CFTR: variants seen among roughly 807,000 people sequenced by gnomAD.
CFTR encodes cystic fibrosis transmembrane conductance regulator.
In CFTR, 181 loss-of-function variants were observed where a neutral mutation model predicts 171.6. The ratio of observed to expected loss-of-function variants is 1.05; its 90% CI spans 0.93 to 1.19. CFTR has a LOEUF of 1.19. CFTR is among the 50% of genes most tolerant of loss of function. CFTR has a pLI of 0.00. For synonymous variants in CFTR, 583 were observed against 608.0 expected (o/e 0.96, Z 0.60); for missense variants, 1,968 against 1,734.7 (o/e 1.13, Z -2.39).
chr7:117,514,567 A>C (rs1260738163), intron 3 of CFTR, among the ~76,000 whole-genome samples: 1 of 152,236 alleles, frequency 6.6e-6, no homozygotes. Context: ...ATTGATGGGC[A>C]TTTGGGTTGG....
In CFTR at chr7:117,625,973, T is replaced by A. The variant is rs4148720; in HGVS notation, c.3469-1549T>A. ...ATTACATGTGGAACAATCATGACTA[T>A]ATGCCTTTTACTTTCTCTATCATTA... On this transcript the variant is annotated intron_variant, in intron 21 of 26. Coordinates refer to ENST00000003084, the MANE Select transcript of CFTR (RefSeq NM_000492.4). Among the ~76,000 whole-genome samples, 5 of 152,296 alleles carry A rather than the reference T, an allele frequency of 3.3e-5. No individual in the cohort carries two copies. The East Asian group carries it at 7.7e-4, about 23-fold the overall frequency.
At chr7:117,665,389 A>C in intron 25 of CFTR, 70 bp from the exon 26 acceptor site, 1 of 888,176 alleles carries the variant, frequency 1.1e-6, no homozygotes, top group South Asian at 1.4e-5. Context: ...AACAATAGAC[A>C]TATTATCAAG....
chr7:117,554,672 A>G lies in CFTR; in HGVS notation c.1393-4792A>G, dbSNP rs149252162. ...TATTAGAGGTTAAGGAGGTGGGTGA[A>G]GAAAACCCAATAAAATAAAAGTCTG... is the stretch of plus-strand genomic sequence containing the variant. On this transcript the variant is annotated intron_variant, in intron 10 of 26. Transcript: ENST00000003084. 5.9e-3 allele frequency among the ~76,000 whole-genome samples: 891 copies of G among 152,226 alleles called. 4 individuals are homozygous for G. Among genetic ancestry groups the G allele is most frequent in the Middle Eastern group, 0.027 (8 of 294 alleles).
chr7:117,633,336 A>AT (rs373569782), intron 22 of CFTR, among the ~76,000 whole-genome samples: 95 of 151,962 alleles, frequency 6.3e-4, no homozygotes, highest in African/African-American at 2.1e-3. Flanking sequence ...TAGGAAAATG[A>AT]TTTTTTTTGC....
At position 117,548,780 on chromosome 7, in the gene CFTR, G is replaced by T. The variant is rs1334881836; in HGVS notation, c.1349G>T (p.Arg450Ile). The T allele has an allele frequency of 1.9e-6, 3 of 1,612,286 alleles. No homozygotes were observed. Among genetic ancestry groups the T allele is most frequent in the African/African-American group, 2.7e-5 (2 of 74,870 alleles). The change falls in exon 10 of 27, where the codon AGA becomes ATA. Residue 450 changes from arginine (R) to isoleucine (I), a missense_variant. By Grantham distance (97) the Arg-to-Ile change is moderately conservative. Coordinates refer to ENST00000003084, the MANE Select transcript of CFTR (RefSeq NM_000492.4). Reference protein sequence around the residue: ...VLKDINFKIERGQLLAVAGST... With the variant: ...VLKDINFKIEIGQLLAVAGST... ...AAAGATATTAATTTCAAGATAGAAA[G>T]AGGACAGTTGTTGGCGGTTGCTGGA...
Position 117,559,578 on chromosome 7 carries a change from A to G in CFTR, c.1507A>G (p.Lys503Glu). 1 of 1,612,890 alleles carries G rather than the reference A, an allele frequency of 6.2e-7. No homozygotes were observed. The highest frequency in any genetic ancestry group is 8.5e-7 in the Non-Finnish European group (1 of 1,179,034). Reference sequence around the variant, plus strand: ...TTCCTGGATTATGCCTGGCACCATTAAAGAAAATATCATCTTTGGTGTTTC... The same window carrying G: ...TTCCTGGATTATGCCTGGCACCATTGAAGAAAATATCATCTTTGGTGTTTC... ...QFSWIMPGTI[K>E]ENIIFGVSYD... Residue 503 changes from lysine to glutamate, a missense_variant, in exon 11 of 27, where the codon AAA becomes GAA. Physicochemically the swap from Lys to Glu is moderately conservative, Grantham distance 56. Transcript: ENST00000003084.
intron 1 of CFTR, among the ~76,000 whole-genome samples, chr7:117,484,673 A>T (rs899429537): frequency 3.3e-5 from 5 of 151,866 alleles, no homozygotes; most frequent in Non-Finnish European, 4.4e-5. Flanking sequence ...CTGATATATG[A>T]CAAAAATTAT....
chr7:117,595,409 C>G (rs553590434), intron 15 of CFTR, among the ~76,000 whole-genome samples: 1 of 149,628 alleles, frequency 6.7e-6, no homozygotes, highest in African/African-American at 2.4e-5. Flanking sequence ...TTAAGAGATT[C>G]GAAAGCTCAA....
At chr7:117,559,109 C>T (rs1307645363) in intron 10 of CFTR, among the ~76,000 whole-genome samples, 1 of 152,170 alleles carries the variant, frequency 6.6e-6, no homozygotes, top group African/African-American at 2.4e-5. Context: ...ATAGTTAAAG[C>T]ACATAGAACA....
chr7:117,540,481 C>A, intron 8 of CFTR, 135 bp downstream of exon 8: 1 of 761,842 alleles, frequency 1.3e-6, no homozygotes, highest in East Asian at 2.6e-5. Context: ...TAAAAGTTGC[C>A]AGCTAATACT....
chr7:117,488,708 A>G (rs999835391), intron 1 of CFTR, among the ~76,000 whole-genome samples: 27 of 152,226 alleles, frequency 1.8e-4, no homozygotes, highest in African/African-American at 6.5e-4. Flanking sequence ...AAAAGATAAT[A>G]ACTCTCCCAT....
intron 9 of CFTR, among the ~76,000 whole-genome samples, chr7:117,544,142 C>T (rs1039240516): frequency 6.6e-6 from 1 of 152,176 alleles, no homozygotes; most frequent in Non-Finnish European, 1.5e-5. Context: ...ATTCTCTCAG[C>T]TGCACTCTCA....
At chr7:117,615,120 T>A (rs1037210001) in intron 21 of CFTR, among the ~76,000 whole-genome samples, 2 of 152,238 alleles carry the variant, frequency 1.3e-5, no homozygotes, top group East Asian at 1.9e-4. Flanking sequence ...ACACTTGGTG[T>A]CTGGTAGATG....
intron 11 of CFTR, among the ~76,000 whole-genome samples, chr7:117,583,419 C>T (rs898255979): frequency 5.3e-5 from 8 of 151,922 alleles, no homozygotes; most frequent in South Asian, 2.1e-4. Flanking sequence ...TGAGAACATG[C>T]GATATTTGGT....
At position 117,537,016 on chromosome 7, in the gene CFTR, A is replaced by G. The variant is rs182216768; in HGVS notation, c.869+343A>G. On this transcript the variant is annotated intron_variant, in intron 7 of 26. Transcript: ENST00000003084. ...TTGGTAACTCACATGGAACTGGGAG[A>G]GTATACAATTCTGAACCAAATAGAT... Among the ~76,000 whole-genome samples the G allele has an allele frequency of 6.6e-5, 10 of 152,336 alleles. No homozygotes were observed. In the East Asian group the frequency reaches 7.7e-4, roughly 12 times the overall value.
chr7:117,492,568 TC>T (rs1798176567), intron 1 of CFTR, among the ~76,000 whole-genome samples: 1 of 151,984 alleles, frequency 6.6e-6, no homozygotes, highest in Non-Finnish European at 1.5e-5. Flanking sequence ...AAGAAGTTAG[TC>T]TTCTGAGGGA....
At chr7:117,568,619 T>A (rs1791640460) in intron 11 of CFTR, among the ~76,000 whole-genome samples, 1 of 152,226 alleles carries the variant, frequency 6.6e-6, no homozygotes, top group South Asian at 2.1e-4. Flanking sequence ...TAAGGTATAA[T>A]GGACAACAAT....
intron 13 of CFTR, 150 bp from the exon 14 acceptor site, chr7:117,591,784 C>T: frequency 1.9e-6 from 1 of 516,678 alleles, no homozygotes; most frequent in Non-Finnish European, 3.3e-6. Context: ...AATTTAATTA[C>T]TACAGAGTAC....
At chr7:117,654,545 T>G (rs1462478686) in intron 24 of CFTR, among the ~76,000 whole-genome samples, 3 of 152,100 alleles carry the variant, frequency 2.0e-5, no homozygotes, top group African/African-American at 7.2e-5. Flanking sequence ...ATCATGGGCA[T>G]GGTTTTCCCA....
Sources: gnomAD v4.1 joint callset for allele counts (sites outside exome capture counted in the v4.1 genomes callset) on GRCh38, gnomAD v4.1.1 for gene constraint, MANE v1.5 for transcripts, NCBI Gene and HGNC (gene_info 2026-07-23, HGNC 2026-07-21) for gene names.